Variants in SLCO6A1 observed in about 807,000 individuals in gnomAD.
SLCO6A1 encodes the protein cancer/testis antigen 48.
Under a neutral mutation model 72.7 loss-of-function variants are expected in SLCO6A1, and 65 were observed. The ratio of observed to expected loss-of-function variants is 0.89; its 90% CI spans 0.73 to 1.10. The LOEUF (loss-of-function observed/expected upper bound fraction) is 1.10. SLCO6A1 is among the 50% of genes least tolerant of loss of function. The pLI is 0.00. For missense variants in SLCO6A1, 874 were observed against 872.6 expected, an observed-to-expected ratio of 1.00 and a Z score of -0.02; for synonymous variants, 314 against 298.2, an observed-to-expected ratio of 1.05 and a Z score of -0.55.
At chr5:102,421,646 A>G (rs1748614286) in intron 7 of SLCO6A1, among the ~76,000 whole-genome samples, 1 of 152,090 alleles carries the variant, frequency 6.6e-6, no homozygotes, top group Non-Finnish European at 1.5e-5. Context: ...TGAAACTCCC[A>G]TCTCCCTGGG....
At chr5:102,405,905 A>T (rs1038155496) in intron 9 of SLCO6A1, among the ~76,000 whole-genome samples, 1 of 152,112 alleles carries the variant, frequency 6.6e-6, no homozygotes, top group Admixed American at 6.5e-5. Context: ...GGAAAAGTAA[A>T]GGTACATATA....
At chr5:102,408,221 T>A (rs1001359705) in intron 9 of SLCO6A1, among the ~76,000 whole-genome samples, 1 of 149,828 alleles carries the variant, frequency 6.7e-6, no homozygotes, top group Admixed American at 6.7e-5. Context: ...AATACTGTAA[T>A]AAAAGTTATG....
At chr5:102,434,231 G>A (rs1233628699) in intron 7 of SLCO6A1, among the ~76,000 whole-genome samples, 6 of 152,012 alleles carry the variant, frequency 3.9e-5, no homozygotes, top group African/African-American at 7.3e-5. Context: ...GTATTTCCAC[G>A]TAGAGCACAG....
At chr5:102,429,313 T>G (rs1399507097) in intron 7 of SLCO6A1, among the ~76,000 whole-genome samples, 1 of 152,230 alleles carries the variant, frequency 6.6e-6, no homozygotes, top group Non-Finnish European at 1.5e-5. Flanking sequence ...TTTAATTAGA[T>G]CCCATTTGTA....
chr5:102,387,317 ATTAT>A (rs1403267967), intron 12 of SLCO6A1, among the ~76,000 whole-genome samples: 3 of 152,142 alleles, frequency 2.0e-5, no homozygotes, highest in Admixed American at 6.5e-5. Flanking sequence ...TTTGACTATA[ATTAT>A]TTATGTTTTT....
At chr5:102,475,975 C>A (rs547196300) in intron 3 of SLCO6A1, among the ~76,000 whole-genome samples, 182 bp from the exon 4 acceptor site, 7 of 152,146 alleles carry the variant, frequency 4.6e-5, no homozygotes, top group African/African-American at 1.7e-4. Flanking sequence ...AACCAAGTAT[C>A]ATTATGTTCT....
chr5:102,436,367 A>G (rs1320126428), intron 7 of SLCO6A1, among the ~76,000 whole-genome samples: 2 of 152,144 alleles, frequency 1.3e-5, no homozygotes, highest in Non-Finnish European at 2.9e-5. Context: ...ACAAAACCCA[A>G]AGACTGCACA....
chr5:102,473,941 T>C (rs1226605699), intron 4 of SLCO6A1, among the ~76,000 whole-genome samples: 1 of 152,002 alleles, frequency 6.6e-6, no homozygotes, highest in East Asian at 1.9e-4. Context: ...CGATCCCATG[T>C]TTATGGATTG....
At chr5:102,384,442 G>C (rs1469003557) in intron 12 of SLCO6A1, among the ~76,000 whole-genome samples, 1 of 151,760 alleles carries the variant, frequency 6.6e-6, no homozygotes, top group African/African-American at 2.4e-5. Flanking sequence ...CTTCCTTTGT[G>C]GTTTGAATTT....
intron 2 of SLCO6A1, 83 bp downstream of exon 2, chr5:102,480,094 T>G (rs1752110514): frequency 1.6e-6 from 2 of 1,281,242 alleles, no homozygotes; most frequent in African/African-American, 1.5e-5. Flanking sequence ...GACAAATAAT[T>G]ATCACAGTCT....
intron 1 of SLCO6A1, among the ~76,000 whole-genome samples, chr5:102,484,251 A>G (rs1195844001): frequency 6.6e-6 from 1 of 152,180 alleles, no homozygotes; most frequent in Non-Finnish European, 1.5e-5. Context: ...CTCCAAGCCC[A>G]ATCATGTCAG....
At chr5:102,478,009 G>A (rs957102284) in intron 2 of SLCO6A1, 148 bp from the exon 3 acceptor site, 2 of 749,178 alleles carry the variant, frequency 2.7e-6, no homozygotes, top group South Asian at 2.0e-5. Context: ...GAATGTAGTA[G>A]TACTGCAATC....
At chr5:102,495,826 C>T (rs1752883970) in intron 1 of SLCO6A1, among the ~76,000 whole-genome samples, 1 of 151,994 alleles carries the variant, frequency 6.6e-6, no homozygotes, top group Admixed American at 6.6e-5. Flanking sequence ...CATCAGAAAA[C>T]ATCAAACAGA....
chr5:102,485,487 G>A (rs1210719407), intron 1 of SLCO6A1, among the ~76,000 whole-genome samples: 1 of 152,188 alleles, frequency 6.6e-6, no homozygotes, highest in East Asian at 1.9e-4. Flanking sequence ...TTGTCATGGG[G>A]TGTGGGTGTG....
rs1333227193 is a variant in SLCO6A1 at position 102,427,875 on chromosome 5, T to A, written c.1277-7854A>T. ...ATATATATATATATATTTTTTTTTT[T>A]TTTTTTTTTTTTGAGACCGAGTCTT... On this transcript the variant is annotated intron_variant, in intron 7 of 13. Transcript: ENST00000506729. 3.5e-3 allele frequency among the ~76,000 whole-genome samples: 476 copies of A among 135,576 alleles called. 4 individuals carry two copies. The highest frequency in any genetic ancestry group is 5.3e-3 in the Non-Finnish European group (331 of 62,150). 88.9% of individuals were successfully genotyped at this position (135,576 alleles called of 152,430 possible).
rs756721339 is a variant in SLCO6A1 at position 102,419,901 on chromosome 5, A to G, written c.1397T>C (p.Leu466Pro). The change falls in exon 8 of 14, where the codon CTT becomes CCT. Residue 466 changes from leucine (L) to proline (P), a missense_variant. By Grantham distance (98) the Leu-to-Pro change is moderately conservative. Transcript: ENST00000506729. The part of the protein sequence containing the change: ...RFIMVTSVIS[L>P]ILLVFIIFVR... ...AAAAATAATAAACACAAGCAGTATA[A>G]GTGATATCACAGATGTAACCATTAT... The G allele has an allele frequency of 3.7e-5, 59 of 1,609,104 alleles. No individual in the cohort carries two copies. Among genetic ancestry groups the G allele is most frequent in the Middle Eastern group, 3.3e-4 (2 of 6,050 alleles).
chr5:102,466,154 C>A lies in SLCO6A1; in HGVS notation c.900-6377G>T, dbSNP rs532215523. ...TATTAAGCCTAGTATTAATTAGATG[C>A]TTTTTCTGATCCTTTTCCTCCCCCC... On this transcript the variant is annotated intron_variant, in intron 4 of 13. Coordinates refer to ENST00000506729, the MANE Select transcript of SLCO6A1 (RefSeq NM_173488.5). Among the ~76,000 whole-genome samples, 16 of 152,046 alleles carry A rather than the reference C, an allele frequency of 1.1e-4. 2 individuals carry two copies. In the South Asian group the frequency reaches 3.3e-3, roughly 32 times the overall value.
intron 4 of SLCO6A1, among the ~76,000 whole-genome samples, chr5:102,462,069 C>T (rs1334516067): frequency 6.6e-6 from 1 of 152,124 alleles, no homozygotes; most frequent in Non-Finnish European, 1.5e-5. Flanking sequence ...AGTAGCACTG[C>T]TATACACCGA....
Position 102,394,467 on chromosome 5 carries a change from A to C in SLCO6A1, c.1815-3422T>G, listed in dbSNP as rs144210219. On this transcript the variant is annotated intron_variant, in intron 10 of 13. Transcript: ENST00000506729. ...GCAAATAGGTAAATTTATTTCTGTA[A>C]GGTTACCTATATCATATTACATACA... Among the ~76,000 whole-genome samples, 317 of 152,056 alleles carry C rather than the reference A, an allele frequency of 2.1e-3. 3 individuals carry two copies. The highest frequency in any genetic ancestry group is 7.2e-3 in the African/African-American group (301 of 41,538).
Sources: allele counts gnomAD v4.1 joint callset (sites outside exome capture counted in the v4.1 genomes callset), GRCh38; gene constraint gnomAD v4.1.1; transcripts MANE v1.5; gene names NCBI Gene and HGNC (gene_info 2026-07-23, HGNC 2026-07-21).